The following NKAIN3 variants were observed in gnomAD, a reference collection of about 807,000 sequenced individuals.
The protein encoded by NKAIN3 is sodium/potassium-transporting ATPase subunit beta-1-interacting protein 3.
Under a neutral mutation model 30.2 loss-of-function variants are expected in NKAIN3, and 25 were observed. The ratio of observed to expected loss-of-function variants is 0.83; its 90% CI spans 0.60 to 1.16. The LOEUF is 1.16. NKAIN3 is among the 50% of genes most tolerant of loss of function. NKAIN3 has a pLI of 0.00. For synonymous variants in NKAIN3, 91 were observed against 89.6 expected (o/e 1.02, Z -0.09); for missense variants, 225 against 254.1 (o/e 0.89, Z 0.78).
At chr8:62,912,392 T>C (rs1362512447) in intron 4 of NKAIN3, among the ~76,000 whole-genome samples, 2 of 152,174 alleles carry the variant, frequency 1.3e-5, no homozygotes, top group Non-Finnish European at 2.9e-5. Context: ...ATACTACATT[T>C]AATTTTTAAA....
At chr8:62,754,970 C>A (rs755946054) in intron 4 of NKAIN3, among the ~76,000 whole-genome samples, 3 of 152,122 alleles carry the variant, frequency 2.0e-5, no homozygotes, top group Non-Finnish European at 4.4e-5. Context: ...TTAATTGTAC[C>A]TCTCCAAAAA....
At chr8:62,951,446 T>A (rs1823282359) in intron 5 of NKAIN3, among the ~76,000 whole-genome samples, 1 of 152,170 alleles carries the variant, frequency 6.6e-6, no homozygotes, top group Non-Finnish European at 1.5e-5. Flanking sequence ...CCTTTTAAAT[T>A]TGTTTGTTTG....
chr8:62,688,008 A>G (rs183074121), intron 3 of NKAIN3, among the ~76,000 whole-genome samples: 122 of 152,372 alleles, frequency 8.0e-4, no homozygotes, highest in African/African-American at 2.5e-3. Context: ...ATGGCTAGAC[A>G]GTAAATTAAA....
chr8:62,845,794 C>G (rs1819672444), intron 4 of NKAIN3, among the ~76,000 whole-genome samples: 1 of 151,974 alleles, frequency 6.6e-6, no homozygotes, highest in African/African-American at 2.4e-5. Context: ...AAATGAGTGG[C>G]CTAGGGAAAA....
chr8:62,727,726 A>T (rs1489275484), intron 3 of NKAIN3, among the ~76,000 whole-genome samples: 5 of 152,156 alleles, frequency 3.3e-5, no homozygotes, highest in Non-Finnish European at 7.4e-5. Context: ...TTTCATGTTC[A>T]TGGGTAAGAA....
intron 5 of NKAIN3, among the ~76,000 whole-genome samples, chr8:62,933,462 A>G (rs922135371): frequency 2.0e-5 from 3 of 152,190 alleles, no homozygotes; most frequent in African/African-American, 7.2e-5. Flanking sequence ...CTGGATAACT[A>G]AGAAAAAATG....
intron 4 of NKAIN3, chr8:62,856,016 G>A: frequency 4.4e-6 from 3 of 686,292 alleles, no homozygotes; most frequent in South Asian, 1.6e-5. Context: ...ACATGAACAG[G>A]GAGGGCCTCA....
chr8:62,476,534 G>A (rs59799730), intron 1 of NKAIN3, among the ~76,000 whole-genome samples: 1 of 151,742 alleles, frequency 6.6e-6, no homozygotes, highest in African/African-American at 2.4e-5. Context: ...TGGGCTCACT[G>A]TAACCTCCAC....
At chr8:62,517,131 T>C (rs1208454083) in intron 1 of NKAIN3, among the ~76,000 whole-genome samples, 1 of 152,078 alleles carries the variant, frequency 6.6e-6, no homozygotes, top group East Asian at 1.9e-4. Flanking sequence ...TAAATTATAA[T>C]TTTTTTTCTC....
intron 4 of NKAIN3, among the ~76,000 whole-genome samples, chr8:62,887,865 G>T (rs183240442): frequency 5.9e-4 from 90 of 152,174 alleles, no homozygotes; most frequent in African/African-American, 2.0e-3. Flanking sequence ...CAACATTCAT[G>T]CCATTTCTGA....
At chr8:62,789,097 G>C (rs937268046) in intron 4 of NKAIN3, among the ~76,000 whole-genome samples, 11 of 151,920 alleles carry the variant, frequency 7.2e-5, no homozygotes, top group Non-Finnish European at 1.5e-4. Context: ...GATGGGGATG[G>C]CATTGAATCT....
At chr8:62,479,663 C>G (rs1806647548) in intron 1 of NKAIN3, among the ~76,000 whole-genome samples, 2 of 152,134 alleles carry the variant, frequency 1.3e-5, no homozygotes, top group Non-Finnish European at 2.9e-5. Context: ...ATGTGCCCAA[C>G]AGGAACCTTT....
At chr8:62,864,558 A>C (rs1283081584) in intron 4 of NKAIN3, among the ~76,000 whole-genome samples, 1 of 152,196 alleles carries the variant, frequency 6.6e-6, no homozygotes, top group Non-Finnish European at 1.5e-5. Flanking sequence ...TCAATAGTGA[A>C]TTGCCAAATG....
intron 1 of NKAIN3, among the ~76,000 whole-genome samples, chr8:62,308,929 C>T (rs960521489): frequency 6.6e-6 from 1 of 150,498 alleles, no homozygotes; most frequent in African/African-American, 2.5e-5. Flanking sequence ...TCTTTTGCCT[C>T]TCTCTTGGAA....
intron 1 of NKAIN3, among the ~76,000 whole-genome samples, chr8:62,502,380 CTCT>C (rs1807482188): frequency 1.3e-5 from 2 of 152,292 alleles, no homozygotes; most frequent in Admixed American, 1.3e-4. Flanking sequence ...CATGATGCTG[CTCT>C]TTCAGAGTCC....
intron 3 of NKAIN3, among the ~76,000 whole-genome samples, chr8:62,617,052 C>T (rs956797266): frequency 6.8e-6 from 1 of 147,886 alleles, no homozygotes; most frequent in Non-Finnish European, 1.5e-5. Flanking sequence ...CTCCCTTGTT[C>T]TTGCTCCTGG....
chr8:62,613,549 T>C (rs147346687), intron 3 of NKAIN3, among the ~76,000 whole-genome samples: 41 of 152,278 alleles, frequency 2.7e-4, no homozygotes, highest in African/African-American at 8.2e-4. Flanking sequence ...TACTTGGATA[T>C]TGGTATCTTT....
intron 4 of NKAIN3, among the ~76,000 whole-genome samples, chr8:62,823,067 G>A (rs1818900829): frequency 6.6e-6 from 1 of 152,172 alleles, no homozygotes; most frequent in South Asian, 2.1e-4. Flanking sequence ...GAGCATGCAG[G>A]ACTGGAAGTT....
intron 4 of NKAIN3, among the ~76,000 whole-genome samples, chr8:62,811,249 G>C (rs1346654109): frequency 6.6e-6 from 1 of 152,004 alleles, no homozygotes; most frequent in Non-Finnish European, 1.5e-5. Context: ...GTGTACCATA[G>C]CTTATTTAAA....
Sources: gnomAD v4.1 joint callset for allele counts (sites outside exome capture counted in the v4.1 genomes callset) on GRCh38, gnomAD v4.1.1 for gene constraint, MANE v1.5 for transcripts, NCBI Gene and HGNC (gene_info 2026-07-23, HGNC 2026-07-21) for gene names.